Variants in SHANK2 observed in about 807,000 individuals in gnomAD.
SHANK2 encodes SH3 and multiple ankyrin repeat domains protein 2.
A neutral mutation model predicts 133.7 loss-of-function variants in SHANK2; 43 were observed. The ratio of observed to expected loss-of-function variants is 0.32; its 90% confidence interval spans 0.25 to 0.41. The LOEUF is 0.41. Ranked by LOEUF, SHANK2 falls within the 10% of genes least tolerant of loss-of-function variation. The pLI, the probability that SHANK2 is intolerant of heterozygous loss-of-function variation, is 1.00. For missense variants in SHANK2, 1,994 were observed against 2,235.8 expected, an observed-to-expected ratio of 0.89 and a Z score of 2.18; for synonymous variants, 1,017 against 952.8, an observed-to-expected ratio of 1.07 and a Z score of -1.24.
chr11:70,553,944 T>C (rs1462488067), intron 17 of SHANK2, among the ~76,000 whole-genome samples: 2 of 152,328 alleles, frequency 1.3e-5, no homozygotes, highest in African/African-American at 2.4e-5. Flanking sequence ...CAGAAGAGGC[T>C]ACAGGCCTGG....
intron 14 of SHANK2, among the ~76,000 whole-genome samples, chr11:70,792,394 G>GCCAA (rs57783483): frequency 0.17 from 24,963 of 144,038 alleles, 2,274 homozygotes; most frequent in East Asian, 0.32. Context: ...CAGCCAACCA[G>GCCAA]CCAACCAACC....
chr11:71,082,184 C>T (rs1249988007), intron 8 of SHANK2, among the ~76,000 whole-genome samples: 1 of 152,226 alleles, frequency 6.6e-6, no homozygotes, highest in Non-Finnish European at 1.5e-5. Context: ...CCACTCCTGG[C>T]TGGCACTGTG....
At chr11:70,757,707 C>T (rs1317434406) in intron 14 of SHANK2, among the ~76,000 whole-genome samples, 1 of 152,170 alleles carries the variant, frequency 6.6e-6, no homozygotes, top group Non-Finnish European at 1.5e-5. Flanking sequence ...CTGCAGACTC[C>T]GCCTAAGCTG....
chr11:71,147,515 C>T (rs1484419690), intron 2 of SHANK2, among the ~76,000 whole-genome samples, 177 bp from the exon 3 acceptor site: 2 of 152,188 alleles, frequency 1.3e-5, no homozygotes, highest in Non-Finnish European at 2.9e-5. Context: ...TCCCAGAGGG[C>T]GGACACAAGT....
At chr11:70,747,177 A>T (rs1555036399) in intron 14 of SHANK2, among the ~76,000 whole-genome samples, 1 of 151,896 alleles carries the variant, frequency 6.6e-6, no homozygotes, top group African/African-American at 2.4e-5. Context: ...AGGAGACTGA[A>T]GGGCTGGGTG....
At chr11:70,923,619 G>A (rs1555081053) in intron 10 of SHANK2, among the ~76,000 whole-genome samples, 8 of 152,294 alleles carry the variant, frequency 5.3e-5, no homozygotes, top group Non-Finnish European at 1.2e-4. Context: ...CGTAACCTCA[G>A]TTCACTGATA....
At chr11:70,831,939 C>A (rs530235464) in intron 11 of SHANK2, among the ~76,000 whole-genome samples, 1 of 152,338 alleles carries the variant, frequency 6.6e-6, no homozygotes, top group African/African-American at 2.4e-5. Flanking sequence ...CACCCCCTGA[C>A]CCTCAGTTTC....
intron 1 of SHANK2, among the ~76,000 whole-genome samples, chr11:71,237,788 C>T (rs1443170922): frequency 2.0e-5 from 3 of 152,038 alleles, no homozygotes; most frequent in African/African-American, 7.2e-5. Flanking sequence ...TCCCCACCTC[C>T]TCTCTCTCTC....
At chr11:70,697,882 G>A (rs1264501840) in intron 15 of SHANK2, among the ~76,000 whole-genome samples, 1 of 152,154 alleles carries the variant, frequency 6.6e-6, no homozygotes, top group Non-Finnish European at 1.5e-5. Flanking sequence ...GCCTGCACCT[G>A]CACCTCCTTC....
At position 70,471,726 on chromosome 11, in the gene SHANK2, C is replaced by T. The variant is rs1442271104; in HGVS notation, c.*1143G>A. Reference sequence around the variant, plus strand: ...GGGAAAAGCCTCTAAGTACCATCTTCCCTGGCCTCCGAGAGCAAAAGGACT... The same window carrying T: ...GGGAAAAGCCTCTAAGTACCATCTTTCCTGGCCTCCGAGAGCAAAAGGACT... On this transcript the variant is annotated 3_prime_UTR_variant, in exon 26 of 26. Transcript: ENST00000601538. This position sits in a 1 kb window ranked among gnomAD's most constrained non-coding sequence, Gnocchi z 4.1. The T allele has an allele frequency of 4.1e-6, 1 of 243,742 alleles. No individual in the cohort carries two copies. 15.1% of individuals were successfully genotyped at this position (243,742 alleles called of 1,614,324 possible).
At chr11:70,779,181 A>G (rs1357360821) in intron 14 of SHANK2, among the ~76,000 whole-genome samples, 1 of 151,822 alleles carries the variant, frequency 6.6e-6, no homozygotes, top group Non-Finnish European at 1.5e-5. Context: ...GGTCCTTAAA[A>G]CACAGAGCGG....
At chr11:70,661,950 G>A (rs1377746309) in intron 15 of SHANK2, 3 of 770,432 alleles carry the variant, frequency 3.9e-6, no homozygotes, top group Non-Finnish European at 6.5e-6. Flanking sequence ...CATACATGGT[G>A]GGGCGGCTGC....
intron 17 of SHANK2, among the ~76,000 whole-genome samples, chr11:70,642,020 G>T (rs118020842): frequency 6.6e-6 from 1 of 152,348 alleles, no homozygotes; most frequent in East Asian, 1.9e-4. Context: ...TCCTGGGTCT[G>T]GAGAGAAGGC....
chr11:70,567,976 G>T (rs1403025086), intron 17 of SHANK2, among the ~76,000 whole-genome samples: 1 of 152,192 alleles, frequency 6.6e-6, no homozygotes, highest in Non-Finnish European at 1.5e-5. Flanking sequence ...GCGAGGAGAC[G>T]GGCAACAAAA....
intron 11 of SHANK2, among the ~76,000 whole-genome samples, chr11:70,844,406 ACAGC>A (rs1555062599): frequency 3.3e-5 from 5 of 152,144 alleles, no homozygotes; most frequent in Non-Finnish European, 7.3e-5. Flanking sequence ...TCCAGCCTTC[ACAGC>A]CAGCATTCTC....
In SHANK2 at chr11:70,468,840, T is replaced by C. The variant is rs1170275107; in HGVS notation, c.*4029A>G. On this transcript the variant is annotated 3_prime_UTR_variant, in exon 26 of 26. Coordinates refer to ENST00000601538, the MANE Select transcript of SHANK2 (RefSeq NM_012309.5). ...ACTAAAGACAACAAGTTTTCACTGG[T>C]GAGGCCAAAGAAGAAGTTCAACGTT... 2.0e-5 allele frequency: 3 copies of C among 152,258 alleles called. No homozygotes were observed. The highest frequency in any genetic ancestry group is 4.4e-5 in the Non-Finnish European group (3 of 68,046). 9.4% of individuals were successfully genotyped at this position (152,258 alleles called of 1,614,324 possible).
chr11:71,109,026 T>C (rs539444973), intron 6 of SHANK2, among the ~76,000 whole-genome samples: 1 of 152,218 alleles, frequency 6.6e-6, no homozygotes, highest in African/African-American at 2.4e-5. Flanking sequence ...TGTTGTGTAT[T>C]TTATATTTTT....
At chr11:71,107,396 CG>C (rs1951817334) in intron 6 of SHANK2, among the ~76,000 whole-genome samples, 1 of 152,150 alleles carries the variant, frequency 6.6e-6, no homozygotes. Flanking sequence ...AGCCACTTAT[CG>C]GGGACCTGAT....
Position 70,473,361 on chromosome 11 carries a change from C to T in SHANK2, c.5058G>A (p.Gln1686=). Residue 1686 remains glutamine, a synonymous_variant, in exon 26 of 26, where the codon CAG becomes CAA. Coordinates refer to ENST00000601538, the MANE Select transcript of SHANK2 (RefSeq NM_012309.5). The surrounding 1 kb of genome is among the most constrained non-coding windows in gnomAD (Gnocchi z 5.9). ...GGGGCCGGCTCTGCAGGGTGATGGG[C>T]TGGGAGGTGCCGGGGCGAACAGTGA... is the stretch of plus-strand genomic sequence containing the variant. The part of the protein sequence containing the change: ...VTFTVRPGTS[Q]PITLQSRPPD... 1 of 1,612,808 alleles carries T rather than the reference C, an allele frequency of 6.2e-7. No homozygotes were observed. Among genetic ancestry groups the T allele is most frequent in the Non-Finnish European group, 8.5e-7 (1 of 1,180,020 alleles).
Sources: allele counts gnomAD v4.1 joint callset (sites outside exome capture counted in the v4.1 genomes callset), GRCh38; gene constraint gnomAD v4.1.1; non-coding constraint Gnocchi (gnomAD v3.1); transcripts MANE v1.5; gene names NCBI Gene and HGNC (gene_info 2026-07-23, HGNC 2026-07-21).